The following TENM2 variants were observed in gnomAD, a reference collection of about 807,000 sequenced individuals.
The protein encoded by TENM2 is teneurin transmembrane protein 2.
TENM2 carries 52 observed loss-of-function variants against 245.2 expected under a neutral mutation model. The observed-to-expected ratio is 0.21, with a 90% CI of 0.17 to 0.27. TENM2 has a LOEUF of 0.27. TENM2 is among the 10% of genes least tolerant of loss of function. TENM2 has a pLI of 1.00. For synonymous variants in TENM2, 1,363 were observed against 1,438.9 expected (o/e 0.95, Z 1.19); for missense variants, 3,046 against 3,666.8 (o/e 0.83, Z 4.37).
chr5:167,609,625 T>A (rs991422198), intron 2 of TENM2, among the ~76,000 whole-genome samples: 2 of 151,664 alleles, frequency 1.3e-5, no homozygotes, highest in African/African-American at 4.8e-5. Flanking sequence ...TAAATCATGG[T>A]TTGAGGGAGT....
chr5:167,804,368 T>C (rs1765998734), intron 2 of TENM2, among the ~76,000 whole-genome samples: 2 of 152,112 alleles, frequency 1.3e-5, no homozygotes, highest in Admixed American at 1.3e-4. Flanking sequence ...TACTTTGACA[T>C]TCTATGCTGA....
the TENM2 span, among the ~76,000 whole-genome samples, chr5:167,178,675 T>TA: frequency 0.035 from 5,217 of 149,528 alleles, 262 homozygotes; most frequent in African/African-American, 0.11. Flanking sequence ...AACGTGAACT[T>TA]AAAAAAAAAA....
chr5:167,235,464 T>C, the TENM2 span, among the ~76,000 whole-genome samples: 1 of 152,228 alleles, frequency 6.6e-6, no homozygotes, highest in South Asian at 2.1e-4. Flanking sequence ...AGAAAACGAT[T>C]CAATCTGGCT....
chr5:168,254,702 G>C (rs1767487755), intron 27 of TENM2, among the ~76,000 whole-genome samples: 7 of 152,132 alleles, frequency 4.6e-5, no homozygotes, highest in Admixed American at 4.6e-4. Flanking sequence ...GAGCTAGGGA[G>C]AGAGAGATCC....
chr5:168,178,787 GAGAAC>G (rs1196006461), intron 13 of TENM2, among the ~76,000 whole-genome samples: 2 of 152,148 alleles, frequency 1.3e-5, no homozygotes, highest in East Asian at 3.9e-4. Context: ...GTGAAAAACC[GAGAAC>G]AGAAGTCAAG....
At chr5:167,663,887 T>A (rs192973192) in intron 2 of TENM2, among the ~76,000 whole-genome samples, 1 of 152,326 alleles carries the variant, frequency 6.6e-6, no homozygotes, top group Non-Finnish European at 1.5e-5. Flanking sequence ...AGACTGGTTT[T>A]TCCTTGAGAG....
At chr5:168,003,310 C>A (rs866536374) in intron 5 of TENM2, among the ~76,000 whole-genome samples, 81 of 64,674 alleles carry the variant, frequency 1.3e-3, no homozygotes, top group African/African-American at 4.7e-3. Context: ...AGAAAAAACA[C>A]ACACACACAC....
chr5:167,785,491 C>G (rs1764513445), intron 2 of TENM2, among the ~76,000 whole-genome samples: 1 of 152,148 alleles, frequency 6.6e-6, no homozygotes, highest in African/African-American at 2.4e-5. Context: ...AAAGGGGAAG[C>G]AGTAGAGAAA....
intron 7 of TENM2, among the ~76,000 whole-genome samples, chr5:168,067,782 G>T (rs1033820466): frequency 2.6e-5 from 4 of 152,068 alleles, no homozygotes; most frequent in African/African-American, 9.7e-5. Flanking sequence ...AGTCACATAG[G>T]CTCCACTGGG....
intron 2 of TENM2, among the ~76,000 whole-genome samples, chr5:167,855,603 C>A (rs1396139998): frequency 7.0e-6 from 1 of 142,540 alleles, no homozygotes; most frequent in East Asian, 2.1e-4. Context: ...TATAATAGAG[C>A]CTGATATGTA....
the TENM2 span, among the ~76,000 whole-genome samples, chr5:166,985,140 T>C: frequency 1.3e-5 from 2 of 152,150 alleles, no homozygotes; most frequent in Admixed American, 1.3e-4. Context: ...ATAATTCATT[T>C]TGGGTTTTTC....
chr5:167,736,631 A>C (rs1760818812), intron 2 of TENM2, among the ~76,000 whole-genome samples: 1 of 151,416 alleles, frequency 6.6e-6, no homozygotes, highest in East Asian at 2.0e-4. Flanking sequence ...GACTCTAATA[A>C]ATGTGTTGGA....
chr5:167,399,459 C>T (rs879045616), intron 2 of TENM2, among the ~76,000 whole-genome samples: 1 of 152,196 alleles, frequency 6.6e-6, no homozygotes, highest in East Asian at 1.9e-4. Flanking sequence ...TATTGAATAT[C>T]TACTACATGC....
At chr5:167,710,092 A>C (rs1488724209) in intron 2 of TENM2, among the ~76,000 whole-genome samples, 3 of 152,186 alleles carry the variant, frequency 2.0e-5, no homozygotes, top group Admixed American at 6.5e-5. Flanking sequence ...GAAGAAAAAG[A>C]AGTAATGATT....
intron 2 of TENM2, among the ~76,000 whole-genome samples, chr5:167,452,968 A>ATATATATATTT (rs1765702682): frequency 3.1e-5 from 1 of 32,476 alleles, no homozygotes; most frequent in African/African-American, 1.2e-4. Context: ...TATATTTAAA[A>ATATATATATTT]AAAAAAACAC....
the TENM2 span, among the ~76,000 whole-genome samples, chr5:167,192,557 T>A: frequency 6.6e-6 from 1 of 152,188 alleles, no homozygotes; most frequent in Middle Eastern, 3.4e-3. Context: ...CAAGGCTATA[T>A]GGTACTACAA....
chr5:167,163,904 C>A, the TENM2 span, among the ~76,000 whole-genome samples: 1 of 152,178 alleles, frequency 6.6e-6, no homozygotes, highest in Non-Finnish European at 1.5e-5. Context: ...AAGGTGCAGT[C>A]TCCAAATCCT....
intron 2 of TENM2, among the ~76,000 whole-genome samples, chr5:167,640,994 C>A (rs66750569): frequency 0.069 from 10,136 of 147,170 alleles, 491 homozygotes; most frequent in Middle Eastern, 0.14. Context: ...ATGCAAAAAT[C>A]CTGACCGACC....
In TENM2 at chr5:167,985,362, G is replaced by T. The variant is rs574402871; in HGVS notation, c.948-7582G>T. Among the ~76,000 whole-genome samples, 113 of 152,280 alleles carry T rather than the reference G, an allele frequency of 7.4e-4. 1 individual carries two copies. The highest frequency in any genetic ancestry group is 1.7e-3 in the South Asian group (8 of 4,818). The stretch of plus-strand genomic sequence containing the variant: ...ACCCATGAGTTTATTTACTGGGGAG[G>T]TCAATTTTCTCGGTAGAACAACAGT... On this transcript the variant is annotated intron_variant, in intron 4 of 28. Transcript: ENST00000518659.
Sources: gnomAD v4.1 joint callset for allele counts (sites outside exome capture counted in the v4.1 genomes callset) on GRCh38, gnomAD v4.1.1 for gene constraint, MANE v1.5 for transcripts, NCBI Gene and HGNC (gene_info 2026-07-23, HGNC 2026-07-21) for gene names.